NUDT19: variants seen among roughly 807,000 people sequenced by gnomAD.
The protein encoded by NUDT19 is nudix hydrolase 19.
A neutral mutation model predicts 22.2 loss-of-function variants in NUDT19; 31 were observed. The observed-to-expected ratio is 1.40, with a 90% CI of 1.05 to 1.89. The LOEUF is 1.89. Among genes scored for constraint, NUDT19 ranks in the 40% most tolerant of loss-of-function variants. The pLI, the probability that NUDT19 is intolerant of heterozygous loss-of-function variation, is 0.00. For missense variants in NUDT19, 752 were observed against 514.2 expected (o/e 1.46, Z -4.47); for synonymous variants, 325 against 230.8 (o/e 1.41, Z -3.70).
At chr19:32,704,617 T>C (rs1198269812) in intron 1 of NUDT19, among the ~76,000 whole-genome samples, 1 of 152,240 alleles carries the variant, frequency 6.6e-6, no homozygotes, top group East Asian at 1.9e-4. Context: ...TTTGTATCTT[T>C]ACAGCATTGT....
At chr19:32,695,113 C>T (rs1968247876) in intron 1 of NUDT19, among the ~76,000 whole-genome samples, 3 of 152,200 alleles carry the variant, frequency 2.0e-5, no homozygotes. Context: ...ACACTGACAA[C>T]AAGGTGGTAT....
At chr19:32,702,236 T>C (rs1968343416) in intron 1 of NUDT19, among the ~76,000 whole-genome samples, 1 of 152,184 alleles carries the variant, frequency 6.6e-6, no homozygotes, top group South Asian at 2.1e-4. Context: ...TAGAGGGTAA[T>C]TGACCTTGCA....
intron 1 of NUDT19, among the ~76,000 whole-genome samples, chr19:32,705,011 G>A (rs1968372796): frequency 6.6e-6 from 1 of 150,402 alleles, no homozygotes. Context: ...GGGGGCCAAG[G>A]CAGAAGAATC....
Position 32,712,073 on chromosome 19 carries a change from A to G in NUDT19, c.*116A>G, listed in dbSNP as rs1968453267. On this transcript the variant is annotated 3_prime_UTR_variant, in exon 3 of 3. Transcript: ENST00000397061. ...GTGCCTATAAAAGTTACTGCAATTC[A>G]GTATTTCTTTATTTTTTTCGAGACA... The G allele has an allele frequency of 1.3e-6, 1 of 743,020 alleles. No homozygotes were observed. The highest frequency in any genetic ancestry group is 2.2e-5 in the Admixed American group (1 of 44,804). 46.0% of individuals were successfully genotyped at this position (743,020 alleles called of 1,614,324 possible).
At chr19:32,704,627 T>C (rs2145364981) in intron 1 of NUDT19, among the ~76,000 whole-genome samples, 1 of 152,346 alleles carries the variant, frequency 6.6e-6, no homozygotes, top group African/African-American at 2.4e-5. Flanking sequence ...TACAGCATTG[T>C]TTTTAATGCC....
chr19:32,709,110 T>TACTG, intron 1 of NUDT19, 75 bp from the exon 2 acceptor site: 1 of 939,300 alleles, frequency 1.1e-6, no homozygotes, highest in Admixed American at 1.7e-5. Context: ...CTACCTTAGG[T>TACTG]ACTGGTCTGA....
intron 2 of NUDT19, among the ~76,000 whole-genome samples, chr19:32,710,263 C>T (rs1157691723): frequency 6.6e-6 from 1 of 151,668 alleles, no homozygotes; most frequent in Non-Finnish European, 1.5e-5. Context: ...ATCCGCCCGC[C>T]TCAGCCTCCC....
chr19:32,698,943 G>A (rs1599798149), intron 1 of NUDT19, among the ~76,000 whole-genome samples: 1 of 152,300 alleles, frequency 6.6e-6, no homozygotes, highest in South Asian at 2.1e-4. Context: ...CCCTGAGGGA[G>A]GGAAGGGATC....
chr19:32,711,308 C>G (rs1400708556), intron 2 of NUDT19, among the ~76,000 whole-genome samples: 2 of 151,946 alleles, frequency 1.3e-5, no homozygotes, highest in Non-Finnish European at 2.9e-5. Flanking sequence ...ACTAACAATA[C>G]AAAAATTAAC....
At position 32,701,876 on chromosome 19, in the gene NUDT19, G is replaced by A. The variant is rs574955477; in HGVS notation, c.715-7309G>A. 3.9e-5 allele frequency among the ~76,000 whole-genome samples: 6 copies of A among 152,200 alleles called. No individual in the cohort carries two copies. In the South Asian group the frequency reaches 1.0e-3, roughly 26 times the overall value. On this transcript the variant is annotated intron_variant, in intron 1 of 2. Coordinates refer to ENST00000397061, the MANE Select transcript of NUDT19 (RefSeq NM_001105570.2). ...TTATTTAAAGTGTGTTTCTGGCTGG[G>A]TGCAGTGGCTTACACCTATAATCCC...
chr19:32,692,770 C>T, intron 1 of NUDT19, 96 bp downstream of exon 1: 1 of 892,698 alleles, frequency 1.1e-6, no homozygotes, highest in Non-Finnish European at 1.6e-6. Context: ...CCGCATAGGC[C>T]AAGCCCAGAG....
chr19:32,705,448 G>A (rs1412101112), intron 1 of NUDT19, among the ~76,000 whole-genome samples: 1 of 151,828 alleles, frequency 6.6e-6, no homozygotes, highest in Non-Finnish European at 1.5e-5. Flanking sequence ...AAAACAAAAA[G>A]AGAGTATTGG....
chr19:32,699,983 G>T (rs1968315703), intron 1 of NUDT19, among the ~76,000 whole-genome samples: 1 of 152,180 alleles, frequency 6.6e-6, no homozygotes, highest in African/African-American at 2.4e-5. Flanking sequence ...TCCTCCTGGT[G>T]CGTTCCTGGT....
chr19:32,705,077 G>T (rs1173182431), intron 1 of NUDT19, among the ~76,000 whole-genome samples: 1 of 139,830 alleles, frequency 7.2e-6, no homozygotes, highest in Non-Finnish European at 1.5e-5. Flanking sequence ...TCGCACTCCA[G>T]CCTGGGGGAC....
chr19:32,707,029 T>C lies in NUDT19; in HGVS notation c.715-2156T>C, dbSNP rs148320204. Among the ~76,000 whole-genome samples the C allele has an allele frequency of 8.5e-5, 13 of 152,332 alleles. No homozygotes were observed. The East Asian group carries it at 2.5e-3, about 29-fold the overall frequency. ...CCATGGTAGGACTCACCTCCCATTG[T>C]AGCCTCCCAGGTGGCTGTGATTACA... On this transcript the variant is annotated intron_variant, in intron 1 of 2. Transcript: ENST00000397061.
intron 1 of NUDT19, among the ~76,000 whole-genome samples, chr19:32,703,974 A>G (rs1968361993): frequency 2.0e-5 from 3 of 151,496 alleles, no homozygotes; most frequent in Admixed American, 1.3e-4. Flanking sequence ...CATATTTACT[A>G]TTTTTAGCAC....
Position 32,692,673 on chromosome 19 carries a change from A to G in NUDT19, c.713A>G (p.Gln238Arg). 1.3e-6 allele frequency: 2 copies of G among 1,494,508 alleles called. No homozygotes were observed. Among genetic ancestry groups the G allele is most frequent in the East Asian group, 2.5e-5 (1 of 40,520 alleles). 92.6% of individuals were successfully genotyped at this position (1,494,508 alleles called of 1,614,324 possible). Residue 238 changes from glutamine (Q) to arginine (R), a missense_variant and splice_region_variant, in exon 1 of 3, where the codon CAG (glutamine) becomes CGG (arginine). Coordinates refer to ENST00000397061, the MANE Select transcript of NUDT19 (RefSeq NM_001105570.2). ...YPDLAEVVGYQWSSPSEATES... is the reference protein window; with the variant it reads ...YPDLAEVVGYRWSSPSEATES... ...GACTTGGCGGAGGTGGTGGGCTACCAGGTAAGGCCTGCTCAGGGCCTTGCT... is the reference window on the plus strand; with the variant it reads ...GACTTGGCGGAGGTGGTGGGCTACCGGGTAAGGCCTGCTCAGGGCCTTGCT...
At chr19:32,696,067 C>A (rs1042707440) in intron 1 of NUDT19, among the ~76,000 whole-genome samples, 1 of 152,118 alleles carries the variant, frequency 6.6e-6, no homozygotes, top group Admixed American at 6.5e-5. Context: ...TCCTTTCAGG[C>A]GGCATAAGTC....
rs777709939 is a variant in NUDT19 at position 32,709,303 on chromosome 19, A to G, written c.833A>G (p.Lys278Arg). The G allele has an allele frequency of 6.2e-7, 1 of 1,614,112 alleles. No individual in the cohort carries two copies. Reference protein sequence around the residue: ...ANFASLSDLHKFCLGRALEGL... With the variant: ...ANFASLSDLHRFCLGRALEGL... Reference sequence around the variant, plus strand: ...TTTGCCTCTCTCTCTGACTTGCACAAATTTTGTTTGGGTCGTGCATTAGAA... The same window carrying G: ...TTTGCCTCTCTCTCTGACTTGCACAGATTTTGTTTGGGTCGTGCATTAGAA... Residue 278 changes from lysine (K) to arginine (R), a missense_variant, in exon 2 of 3, where the codon AAA (lysine) becomes AGA (arginine). Transcript: ENST00000397061.
Sources: gnomAD v4.1 joint callset for allele counts (sites outside exome capture counted in the v4.1 genomes callset) on GRCh38, gnomAD v4.1.1 for gene constraint, MANE v1.5 for transcripts, NCBI Gene and HGNC (gene_info 2026-07-23, HGNC 2026-07-21) for gene names.